USH2A: variants seen among roughly 807,000 people sequenced by gnomAD.
USH2A encodes the protein usherin, also known as Usher syndrome 2A (autosomal recessive, mild).
In USH2A, 443 loss-of-function variants were observed where a neutral mutation model predicts 538.9. The ratio of observed to expected loss-of-function variants is 0.82; its 90% CI spans 0.76 to 0.89. USH2A has a LOEUF of 0.89. Among genes scored for constraint, USH2A ranks in the 40% least tolerant of loss-of-function variants. USH2A has a pLI of 0.00. For missense variants in USH2A, 6,633 were observed against 6,324.8 expected, an observed-to-expected ratio of 1.05 and a Z score of -1.65; for synonymous variants, 2,413 against 2,273.5, an observed-to-expected ratio of 1.06 and a Z score of -1.75.
chr1:216,140,893 A>C (rs2033589340), intron 21 of USH2A, among the ~76,000 whole-genome samples: 1 of 152,216 alleles, frequency 6.6e-6, no homozygotes, highest in Non-Finnish European at 1.5e-5. Flanking sequence ...GCTCTCAGCT[A>C]GTTTTTCCTT....
At chr1:216,165,326 G>A (rs1217919403) in intron 21 of USH2A, among the ~76,000 whole-genome samples, 1 of 152,090 alleles carries the variant, frequency 6.6e-6, no homozygotes, top group East Asian at 1.9e-4. Flanking sequence ...TAAGAGATGT[G>A]CAACCACCTA....
At chr1:216,077,833 T>G (rs2031802641) in intron 27 of USH2A, among the ~76,000 whole-genome samples, 1 of 151,306 alleles carries the variant, frequency 6.6e-6, no homozygotes. Context: ...ATATGTATAT[T>G]AATTACTATT....
At chr1:216,187,523 C>T (rs77218507) in intron 20 of USH2A, among the ~76,000 whole-genome samples, 1,823 of 151,898 alleles carry the variant, frequency 0.012, 31 homozygotes, top group African/African-American at 0.041. Context: ...ATAAATAATG[C>T]TTTCAGATTT....
rs471271 is a variant in USH2A at position 216,159,352 on chromosome 1, A to T, written c.4627+15900T>A. 3.9e-5 allele frequency among the ~76,000 whole-genome samples: 6 copies of T among 152,084 alleles called. No individual in the cohort carries two copies. In the South Asian group the frequency reaches 1.0e-3, roughly 26 times the overall value. ...ATTTATTAGGATGTGTTCTTTCATT[A>T]CTAGTTTGCTGAGAATTGTTATGAA... On this transcript the variant is annotated intron_variant, in intron 21 of 71. Coordinates refer to ENST00000307340, the MANE Select transcript of USH2A (RefSeq NM_206933.4).
Position 215,674,860 on chromosome 1 carries a change from T to A in USH2A, c.13051A>T (p.Thr4351Ser), listed in dbSNP as rs755886273. 1.2e-6 allele frequency: 2 copies of A among 1,613,912 alleles called. No individual in the cohort carries two copies. Among genetic ancestry groups the A allele is most frequent in the African/African-American group, 1.3e-5 (1 of 74,886 alleles). Residue 4351 changes from threonine (T) to serine (S), a missense_variant, in exon 63 of 72, where the codon ACT (threonine) becomes TCT (serine). By Grantham distance (58) the Thr-to-Ser change is moderately conservative. Coordinates refer to ENST00000307340, the MANE Select transcript of USH2A (RefSeq NM_206933.4). ...ACTTCTGATGGAGCAGCCTCCAGAGTTGTGATGCTGGTGGGTTTGCTGGTG... is the reference window on the plus strand; with the variant it reads ...ACTTCTGATGGAGCAGCCTCCAGAGATGTGATGCTGGTGGGTTTGCTGGTG... ...CSTSKPTSIT[T>S]LEAAPSEVSP...
chr1:216,314,032 A>G lies in USH2A; in HGVS notation c.1644+7851T>C, dbSNP rs12021946. 6.4e-3 allele frequency among the ~76,000 whole-genome samples: 978 copies of G among 152,280 alleles called. 3 individuals are homozygous for G. The highest frequency in any genetic ancestry group is 0.036 in the East Asian group (187 of 5,182). Reference sequence around the variant, plus strand: ...TTATTGGATTCATTATATTATACCTATGTATGCATTTACTTTTCTTAGCCT... The same window carrying G: ...TTATTGGATTCATTATATTATACCTGTGTATGCATTTACTTTTCTTAGCCT... On this transcript the variant is annotated intron_variant, in intron 9 of 71. Coordinates refer to ENST00000307340, the MANE Select transcript of USH2A (RefSeq NM_206933.4).
chr1:215,639,282 C>G, intron 68 of USH2A, 44 bp from the exon 69 acceptor site: 1 of 1,584,544 alleles, frequency 6.3e-7, no homozygotes, highest in Non-Finnish European at 8.7e-7. Flanking sequence ...TCATTCAACA[C>G]CTACAAATAG....
At chr1:216,228,240 G>A (rs2102514243) in intron 14 of USH2A, among the ~76,000 whole-genome samples, 1 of 152,288 alleles carries the variant, frequency 6.6e-6, no homozygotes, top group Admixed American at 6.5e-5. Flanking sequence ...GAAATGGGTT[G>A]CTGGAGTGGG....
chr1:216,341,380 T>C (rs2038073978), intron 4 of USH2A, among the ~76,000 whole-genome samples: 1 of 152,146 alleles, frequency 6.6e-6, no homozygotes. Context: ...TCCATCGTCA[T>C]GGATAGGAAG....
intron 61 of USH2A, among the ~76,000 whole-genome samples, chr1:215,702,500 T>C (rs1008133718): frequency 1.3e-5 from 2 of 152,142 alleles, no homozygotes; most frequent in African/African-American, 4.8e-5. Flanking sequence ...CCATATTTCT[T>C]GGAGCCTTTG....
At chr1:215,806,835 T>C (rs771984275) in intron 49 of USH2A, among the ~76,000 whole-genome samples, 1 of 152,124 alleles carries the variant, frequency 6.6e-6, no homozygotes, top group Non-Finnish European at 1.5e-5. Context: ...CTGCTTAATT[T>C]ATAGCAAATC....
At chr1:216,216,705 C>A (rs1293777355) in intron 15 of USH2A, among the ~76,000 whole-genome samples, 7 of 151,926 alleles carry the variant, frequency 4.6e-5, no homozygotes, top group Non-Finnish European at 1.5e-5. Flanking sequence ...CTGCAGGTGA[C>A]CTTGTGAGGT....
Position 215,900,750 on chromosome 1 carries a change from C to T in USH2A, c.7451+5G>A, listed in dbSNP as rs1287746934. ...CTGATAGAATGGACAAAGTAGAATG[C>T]TCACTCTAGAAATCCATGGGTGGAG... On this transcript the variant is annotated splice_donor_5th_base_variant and intron_variant, in intron 39 of 71. Coordinates refer to ENST00000307340, the MANE Select transcript of USH2A (RefSeq NM_206933.4). 3 of 1,613,492 alleles carry T rather than the reference C, an allele frequency of 1.9e-6. No homozygotes were observed. Among genetic ancestry groups the T allele is most frequent in the South Asian group, 1.1e-5 (1 of 91,082 alleles).
intron 44 of USH2A, among the ~76,000 whole-genome samples, chr1:215,852,285 C>G (rs938317483): frequency 2.6e-5 from 4 of 152,126 alleles, no homozygotes; most frequent in Admixed American, 2.0e-4. Flanking sequence ...TGCAGGGAAA[C>G]TCCCCTTTAT....
intron 58 of USH2A, among the ~76,000 whole-genome samples, chr1:215,751,025 T>C (rs956599762): frequency 2.2e-4 from 34 of 152,284 alleles, no homozygotes; most frequent in Non-Finnish European, 4.9e-4. Flanking sequence ...CATTTGGTTA[T>C]TGCATTTATA....
chr1:216,109,525 C>T (rs998199196), intron 21 of USH2A, among the ~76,000 whole-genome samples: 20 of 152,144 alleles, frequency 1.3e-4, no homozygotes, highest in African/African-American at 4.6e-4. Context: ...TTTCTTTAGT[C>T]TGGTTTTCTT....
At chr1:216,121,381 C>T (rs915256441) in intron 21 of USH2A, among the ~76,000 whole-genome samples, 1 of 150,304 alleles carries the variant, frequency 6.7e-6, no homozygotes, top group Non-Finnish European at 1.5e-5. Context: ...AAAATAAAAT[C>T]ACCTTGATTT....
At chr1:215,846,656 A>G (rs1029554957) in intron 44 of USH2A, among the ~76,000 whole-genome samples, 1 of 152,226 alleles carries the variant, frequency 6.6e-6, no homozygotes. Flanking sequence ...TTATTCAATG[A>G]ATCATCAGAA....
intron 32 of USH2A, among the ~76,000 whole-genome samples, chr1:216,005,229 T>C (rs1301079641): frequency 1.3e-5 from 2 of 152,180 alleles, no homozygotes; most frequent in Non-Finnish European, 2.9e-5. Flanking sequence ...TCTTTGTACT[T>C]GGATTGCTCT....
Sources: gnomAD v4.1 joint callset for allele counts (sites outside exome capture counted in the v4.1 genomes callset) on GRCh38, gnomAD v4.1.1 for gene constraint, MANE v1.5 for transcripts, NCBI Gene and HGNC (gene_info 2026-07-23, HGNC 2026-07-21) for gene names.